The following INSYN2B variants were observed in gnomAD, a reference collection of about 807,000 sequenced individuals.
INSYN2B encodes the protein protein INSYN2B.
Under a neutral mutation model 41.2 loss-of-function variants are expected in INSYN2B, and 16 were observed. That is an observed-to-expected ratio of 0.39 (90% CI 0.26 to 0.59). INSYN2B has a LOEUF of 0.59. Among genes scored for constraint, INSYN2B ranks in the 20% least tolerant of loss-of-function variants. The pLI, the probability that INSYN2B is intolerant of heterozygous loss-of-function variation, is 0.57. For synonymous variants in INSYN2B, 245 were observed against 244.4 expected (o/e 1.00, Z -0.02); for missense variants, 608 against 646.4 (o/e 0.94, Z 0.64).
At chr5:169,945,992 C>T (rs574746244) in intron 1 of INSYN2B, among the ~76,000 whole-genome samples, 8 of 152,244 alleles carry the variant, frequency 5.3e-5, no homozygotes, top group Admixed American at 2.6e-4. Flanking sequence ...TGCAACACCC[C>T]GGTGCCATCC....
intron 1 of INSYN2B, among the ~76,000 whole-genome samples, chr5:169,955,260 A>G (rs1321063509): frequency 6.6e-6 from 1 of 152,182 alleles, no homozygotes; most frequent in East Asian, 1.9e-4. Context: ...CACACAGGAC[A>G]GAAGGGCATC....
In INSYN2B at chr5:169,978,395, G is replaced by T. The variant is rs202107504; in HGVS notation, c.-919+1882C>A. Among the ~76,000 whole-genome samples, 679 of 142,410 alleles carry T rather than the reference G, an allele frequency of 4.8e-3. 32 individuals carry two copies. Among genetic ancestry groups the T allele is most frequent in the African/African-American group, 0.015 (572 of 37,788 alleles). The allele number at this position is 142,410 out of a possible 152,430, so 93.4% of individuals were successfully genotyped here. On this transcript the variant is annotated intron_variant, in intron 1 of 3. Transcript: ENST00000377365. ...TGTGTATGTGTGTGTGTGTGTGTGG[G>T]GGGGGGGGGGTGTAGGTGTGTTTGC...
At chr5:169,979,174 T>G (rs1198169931) in intron 1 of INSYN2B, among the ~76,000 whole-genome samples, 1 of 152,134 alleles carries the variant, frequency 6.6e-6, no homozygotes, top group Non-Finnish European at 1.5e-5. Flanking sequence ...CCCCATGCAG[T>G]ATTCAGGCTT....
At chr5:169,888,947 G>T (rs76109893) in intron 1 of INSYN2B, among the ~76,000 whole-genome samples, 1 of 152,034 alleles carries the variant, frequency 6.6e-6, no homozygotes. Flanking sequence ...TCTCCCTGCC[G>T]TCTCTGTACT....
At chr5:169,896,289 G>A (rs886571223) in intron 1 of INSYN2B, among the ~76,000 whole-genome samples, 43 of 152,284 alleles carry the variant, frequency 2.8e-4, no homozygotes, top group African/African-American at 9.9e-4. Flanking sequence ...CTGAAGTACC[G>A]GGACCCCTTA....
Position 169,896,220 on chromosome 5 carries a change from C to T in INSYN2B, c.-918-11404G>A, listed in dbSNP as rs373158809. Among the ~76,000 whole-genome samples, 186 of 152,272 alleles carry T rather than the reference C, an allele frequency of 1.2e-3. 4 individuals carry two copies. The South Asian group carries it at 0.037, about 30-fold the overall frequency. ...GTCAGCAGTGAGCAACTTCTTAAAG[C>T]TCACATCAACATTCCCCATTCTGGA... is the stretch of plus-strand genomic sequence containing the variant. On this transcript the variant is annotated intron_variant, in intron 1 of 3. Transcript: ENST00000377365.
chr5:169,864,154 G>A lies in INSYN2B; in HGVS notation c.*119C>T. On this transcript the variant is annotated 3_prime_UTR_variant, in exon 4 of 4. Transcript: ENST00000377365. ...GCTCCAAGGCTCTTCTGTTTCACAG[G>A]CCAAGGGGCTCACAGCCCAGGGCCT... The A allele has an allele frequency of 1.7e-5, 15 of 904,624 alleles. No individual in the cohort carries two copies. The highest frequency in any genetic ancestry group is 2.6e-5 in the Non-Finnish European group (15 of 586,800). 56.0% of individuals were successfully genotyped at this position (904,624 alleles called of 1,614,324 possible).
At chr5:169,935,398 C>G (rs1251560472) in intron 1 of INSYN2B, among the ~76,000 whole-genome samples, 2 of 152,174 alleles carry the variant, frequency 1.3e-5, no homozygotes, top group Non-Finnish European at 2.9e-5. Flanking sequence ...AATGCCCTAG[C>G]TTTCTTTCTC....
intron 3 of INSYN2B, among the ~76,000 whole-genome samples, chr5:169,865,838 G>A (rs1452369093): frequency 2.0e-5 from 3 of 152,204 alleles, no homozygotes; most frequent in African/African-American, 7.2e-5. Context: ...ACCCAGCAAG[G>A]GCTGGAAAAC....
intron 1 of INSYN2B, among the ~76,000 whole-genome samples, chr5:169,962,951 A>C (rs1777151340): frequency 2.0e-5 from 3 of 152,066 alleles, no homozygotes; most frequent in Admixed American, 2.0e-4. Flanking sequence ...ATAGGATGGG[A>C]AGTGGAAGGG....
intron 1 of INSYN2B, among the ~76,000 whole-genome samples, chr5:169,919,227 A>G (rs1204475334): frequency 2.0e-5 from 3 of 152,192 alleles, no homozygotes; most frequent in Admixed American, 1.3e-4. Context: ...GAGAAGCTGC[A>G]TAAGTTTTCC....
chr5:169,939,885 C>A (rs1442534923), intron 1 of INSYN2B, among the ~76,000 whole-genome samples: 4 of 152,188 alleles, frequency 2.6e-5, no homozygotes, highest in Non-Finnish European at 5.9e-5. Context: ...TCATTAATTT[C>A]TTACCACAAG....
rs1449659627 is a variant in INSYN2B at position 169,980,460 on chromosome 5, A to G, written c.-1102T>C. 2 of 152,184 alleles carry G rather than the reference A, an allele frequency of 1.3e-5. No individual in the cohort carries two copies. Among genetic ancestry groups the G allele is most frequent in the African/African-American group, 2.4e-5 (1 of 41,436 alleles). 9.4% of individuals were successfully genotyped at this position (152,184 alleles called of 1,614,324 possible). The stretch of plus-strand genomic sequence containing the variant: ...CGTAGGAATAAATAAAAAGCCGAAC[A>G]AACTGCTCGGCAGCTACCATGTGAA... On this transcript the variant is annotated 5_prime_UTR_variant, in exon 1 of 4. Coordinates refer to ENST00000377365, the MANE Select transcript of INSYN2B (RefSeq NM_001129891.3).
At chr5:169,880,227 G>C (rs1772560478) in intron 3 of INSYN2B, among the ~76,000 whole-genome samples, 2 of 152,206 alleles carry the variant, frequency 1.3e-5, no homozygotes, top group African/African-American at 4.8e-5. Flanking sequence ...TCTGTTATTT[G>C]ATTAAAAACA....
chr5:169,915,633 A>G (rs1031060053), intron 1 of INSYN2B, among the ~76,000 whole-genome samples: 7 of 152,058 alleles, frequency 4.6e-5, no homozygotes, highest in Non-Finnish European at 7.4e-5. Context: ...AGAGACAGAG[A>G]CAGACAGAGA....
chr5:169,867,821 A>G (rs901053299), intron 3 of INSYN2B, among the ~76,000 whole-genome samples: 4 of 152,096 alleles, frequency 2.6e-5, no homozygotes, highest in Non-Finnish European at 4.4e-5. Flanking sequence ...TGCACCACCT[A>G]TACTTCATTC....
intron 3 of INSYN2B, among the ~76,000 whole-genome samples, chr5:169,874,452 G>A (rs1772190125): frequency 1.3e-5 from 2 of 149,668 alleles, no homozygotes; most frequent in South Asian, 2.1e-4. Flanking sequence ...GGTCTGTGGA[G>A]TTTGAGAAAA....
At chr5:169,945,263 A>G (rs980256735) in intron 1 of INSYN2B, among the ~76,000 whole-genome samples, 2 of 152,266 alleles carry the variant, frequency 1.3e-5, no homozygotes, top group Admixed American at 6.5e-5. Context: ...CAACGGGTCA[A>G]TAATACCATA....
Position 169,864,162 on chromosome 5 carries a change from G to T in INSYN2B, c.*111C>A, listed in dbSNP as rs1771385033. On this transcript the variant is annotated 3_prime_UTR_variant, in exon 4 of 4. Coordinates refer to ENST00000377365, the MANE Select transcript of INSYN2B (RefSeq NM_001129891.3). ...GCTCTTCTGTTTCACAGGCCAAGGG[G>T]CTCACAGCCCAGGGCCTTTGCAAAG... The T allele has an allele frequency of 2.1e-6, 2 of 961,194 alleles. No homozygotes were observed. The highest frequency in any genetic ancestry group is 1.6e-6 in the Non-Finnish European group (1 of 633,568). 59.5% of individuals were successfully genotyped at this position (961,194 alleles called of 1,614,324 possible). A position where few individuals can be genotyped will look rare whatever the true frequency, so the allele number is the denominator to read the frequency against.
Sources: allele counts gnomAD v4.1 joint callset (sites outside exome capture counted in the v4.1 genomes callset), GRCh38; gene constraint gnomAD v4.1.1; transcripts MANE v1.5; gene names NCBI Gene and HGNC (gene_info 2026-07-23, HGNC 2026-07-21).